ANO5: variants seen among roughly 807,000 people sequenced by gnomAD.
The protein encoded by ANO5 is anoctamin-5.
ANO5 carries 109 observed loss-of-function variants against 121.0 expected under a neutral mutation model. The ratio of observed to expected loss-of-function variants is 0.90; its 90% CI spans 0.77 to 1.06. The LOEUF (loss-of-function observed/expected upper bound fraction) is 1.06. Among genes scored for constraint, ANO5 ranks in the 50% least tolerant of loss-of-function variants. The pLI is 0.00. For synonymous variants in ANO5, 406 were observed against 359.9 expected, an observed-to-expected ratio of 1.13 and a Z score of -1.45; for missense variants, 1,064 against 1,078.5, an observed-to-expected ratio of 0.99 and a Z score of 0.19.
chr11:22,239,742 C>T (rs1278572652), intron 9 of ANO5, 58 bp downstream of exon 9: 48 of 1,327,850 alleles, frequency 3.6e-5, no homozygotes, highest in Middle Eastern at 1.8e-4. Context: ...TTTTTATTCA[C>T]AATGGCATAA....
chr11:22,215,340 T>A (rs191093830), intron 3 of ANO5, among the ~76,000 whole-genome samples: 1 of 152,012 alleles, frequency 6.6e-6, no homozygotes, highest in Non-Finnish European at 1.5e-5. Flanking sequence ...GTATTTATAA[T>A]TGATCTGTGC....
chr11:22,249,156 A>G (rs2133698791), intron 9 of ANO5, among the ~76,000 whole-genome samples: 1 of 152,164 alleles, frequency 6.6e-6, no homozygotes, highest in Middle Eastern at 3.4e-3. Flanking sequence ...GAAAAGAATG[A>G]AAAAAGACAG....
chr11:22,273,063 A>G, intron 19 of ANO5, 74 bp downstream of exon 19: 3 of 1,381,498 alleles, frequency 2.2e-6, no homozygotes, highest in Non-Finnish European at 3.1e-6. Context: ...AATGATGCTT[A>G]ATCTTTACAT....
chr11:22,222,194 G>A (rs544588301), intron 5 of ANO5, among the ~76,000 whole-genome samples: 4 of 151,836 alleles, frequency 2.6e-5, no homozygotes, highest in Non-Finnish European at 4.4e-5. Flanking sequence ...TGAAATTCCT[G>A]AGATTTAAAT....
chr11:22,237,998 A>C (rs912278712), intron 8 of ANO5, among the ~76,000 whole-genome samples: 2 of 152,200 alleles, frequency 1.3e-5, no homozygotes, highest in African/African-American at 2.4e-5. Context: ...TATAAATGTA[A>C]ATCGTTGTTA....
At chr11:22,220,886 G>T (rs1255339879) in intron 4 of ANO5, among the ~76,000 whole-genome samples, 1 of 151,842 alleles carries the variant, frequency 6.6e-6, no homozygotes, top group African/African-American at 2.4e-5. Context: ...TTTGTTGTAT[G>T]TGCATGTAGT....
upstream of ANO5, chr11:22,193,067 C>T (rs546780035): frequency 6.8e-6 from 7 of 1,031,682 alleles, no homozygotes; most frequent in East Asian, 5.8e-4. Context: ...GAAAGGAAAG[C>T]TGCCAGAGGG....
At position 22,272,939 on chromosome 11, in the gene ANO5, G is replaced by A. The variant is rs778772732; in HGVS notation, c.2185G>A (p.Val729Ile). Residue 729 changes from valine (V) to isoleucine (I), a missense_variant, in exon 19 of 22, where the codon GTT (valine) becomes ATT (isoleucine). Coordinates refer to ENST00000324559, the MANE Select transcript of ANO5 (RefSeq NM_213599.3). ...TVASKAHSIGVWQDILYGMAV... is the reference protein window; with the variant it reads ...TVASKAHSIGIWQDILYGMAV... ...AGCTTCTAAAGCTCATAGCATAGGT[G>A]TTTGGCAAGACATTCTTTATGGAAT... 45 of 1,613,930 alleles carry A rather than the reference G, an allele frequency of 2.8e-5. No homozygotes were observed. In the Admixed American group the frequency reaches 5.3e-4, roughly 19 times the overall value.
chr11:22,198,599 G>T (rs1284911939), intron 1 of ANO5, among the ~76,000 whole-genome samples: 6 of 152,192 alleles, frequency 3.9e-5, no homozygotes, highest in South Asian at 2.1e-4. Context: ...AAAAAGAGGG[G>T]CTAGTGTTTG....
chr11:22,279,982 G>T lies in ANO5; in HGVS notation c.*217G>T. Reference sequence around the variant, plus strand: ...TGCTTCATTGACTGGGCCCTCTCCAGATGTTGTTTTCTGAGGTGCTGTAAA... The same window carrying T: ...TGCTTCATTGACTGGGCCCTCTCCATATGTTGTTTTCTGAGGTGCTGTAAA... On this transcript the variant is annotated 3_prime_UTR_variant, in exon 22 of 22. Transcript: ENST00000324559. 1 of 545,426 alleles carries T rather than the reference G, an allele frequency of 1.8e-6. No individual in the cohort carries two copies. Among genetic ancestry groups the T allele is most frequent in the South Asian group, 2.2e-5 (1 of 44,712 alleles). 33.8% of individuals were successfully genotyped at this position (545,426 alleles called of 1,614,324 possible).
chr11:22,252,418 T>A (rs1853856305), intron 12 of ANO5, among the ~76,000 whole-genome samples: 1 of 152,176 alleles, frequency 6.6e-6, no homozygotes, highest in African/African-American at 2.4e-5. Context: ...TATTACATCA[T>A]AAATAGAGGA....
intron 9 of ANO5, among the ~76,000 whole-genome samples, chr11:22,241,982 T>C (rs1853448058): frequency 6.6e-6 from 1 of 152,180 alleles, no homozygotes; most frequent in Non-Finnish European, 1.5e-5. Context: ...TAGAGAAAGA[T>C]ACTTCTTAGG....
intron 8 of ANO5, 106 bp downstream of exon 8, chr11:22,236,382 T>C: frequency 3.2e-6 from 3 of 940,228 alleles, no homozygotes; most frequent in Non-Finnish European, 3.4e-6. Context: ...TTTTCTCTCA[T>C]GGTGGGAAAA....
chr11:22,263,100 TAGA>T, intron 17 of ANO5, 57 bp downstream of exon 17: 1 of 1,433,744 alleles, frequency 7.0e-7, no homozygotes, highest in South Asian at 1.2e-5. Context: ...ATATTTCCTC[TAGA>T]AGAAGATGGA....
At chr11:22,206,403 A>C (rs930206220) in intron 2 of ANO5, among the ~76,000 whole-genome samples, 3 of 151,742 alleles carry the variant, frequency 2.0e-5, no homozygotes, top group African/African-American at 7.3e-5. Flanking sequence ...TGCAACCTCC[A>C]CCTCCCAGGT....
At chr11:22,221,533 T>C (rs1852651742) in intron 5 of ANO5, among the ~76,000 whole-genome samples, 1 of 152,034 alleles carries the variant, frequency 6.6e-6, no homozygotes, top group Non-Finnish European at 1.5e-5. Context: ...TTTTGTATGA[T>C]ATTTTCATTT....
chr11:22,205,450 G>C (rs1437794955), intron 2 of ANO5, among the ~76,000 whole-genome samples: 3 of 152,038 alleles, frequency 2.0e-5, no homozygotes, highest in Non-Finnish European at 4.4e-5. Context: ...TGATTTTATA[G>C]TGTAGTTTGC....
chr11:22,273,765 A>G (rs1026507511), intron 19 of ANO5, among the ~76,000 whole-genome samples: 2 of 152,068 alleles, frequency 1.3e-5, no homozygotes, highest in Non-Finnish European at 2.9e-5. Context: ...GGAAAGACAA[A>G]GTAAGTAAAA....
At chr11:22,225,699 T>A (rs974525589) in intron 5 of ANO5, among the ~76,000 whole-genome samples, 1 of 152,090 alleles carries the variant, frequency 6.6e-6, no homozygotes, top group Admixed American at 6.6e-5. Context: ...GTTTATAAAG[T>A]TTTTTTATAA....
Sources: gnomAD v4.1 joint callset for allele counts (sites outside exome capture counted in the v4.1 genomes callset) on GRCh38, gnomAD v4.1.1 for gene constraint, MANE v1.5 for transcripts, NCBI Gene and HGNC (gene_info 2026-07-23, HGNC 2026-07-21) for gene names.